The following CLHC1 variants were observed in gnomAD, a reference collection of about 807,000 sequenced individuals.
CLHC1 encodes the protein clathrin heavy chain linker domain containing 1.
Under a neutral mutation model 69.5 loss-of-function variants are expected in CLHC1, and 72 were observed. The observed-to-expected ratio is 1.04, with a 90% confidence interval of 0.86 to 1.26. The LOEUF (loss-of-function observed/expected upper bound fraction) is 1.26, where lower values mean the gene tolerates loss of function less well. Among genes scored for constraint, CLHC1 ranks in the 50% most tolerant of loss-of-function variants. CLHC1 has a pLI of 0.00. For synonymous variants in CLHC1, 223 were observed against 224.3 expected (o/e 0.99, Z 0.05); for missense variants, 790 against 679.3 (o/e 1.16, Z -1.81).
In CLHC1 at chr2:55,175,791, T is replaced by A; in HGVS notation, c.1760A>T (p.Ter587LeuextTer7). 6.2e-7 allele frequency: 1 copy of A among 1,613,090 alleles called. No homozygotes were observed. Among genetic ancestry groups the A allele is most frequent in the Non-Finnish European group, 8.5e-7 (1 of 1,179,230 alleles). The change falls in exon 13 of 13, where the codon TAG (stop) becomes TTG (leucine). Residue 587 changes from the stop codon to leucine, a stop_lost. Transcript: ENST00000401408. The part of the protein sequence containing the change: ...AVNLMEHVFW[*>L] ...CCCTCAGCTGGTTAAGATATAGAAC[T>A]ACCAAAACACATGTTCCATTAGGTT...
At chr2:55,199,534 G>C (rs2103853016) in intron 9 of CLHC1, among the ~76,000 whole-genome samples, 1 of 152,114 alleles carries the variant, frequency 6.6e-6, no homozygotes, top group African/African-American at 2.4e-5. Flanking sequence ...TCAAGACATT[G>C]ACAGTACAAT....
At position 55,177,586 on chromosome 2, in the gene CLHC1, A is replaced by G. The variant is rs754641278; in HGVS notation, c.1564+16T>C. On this transcript the variant is annotated intron_variant, in intron 12 of 12. Transcript: ENST00000401408. ...AACCCACTACTATTTCTCCCACAAC[A>G]TTTTATTCTACTTACCTATCCCACC... The G allele has an allele frequency of 7.7e-6, 12 of 1,559,018 alleles. No individual in the cohort carries two copies. In the East Asian group the frequency reaches 2.0e-4, roughly 27 times the overall value.
chr2:55,181,452 C>T (rs1401737974), intron 10 of CLHC1, 118 bp downstream of exon 10: 2 of 789,598 alleles, frequency 2.5e-6, no homozygotes, highest in African/African-American at 3.5e-5. Flanking sequence ...TGATTAATTG[C>T]AATAGGGACC....
At position 55,177,658 on chromosome 2, in the gene CLHC1, G is replaced by T; in HGVS notation, c.1508C>A (p.Ala503Glu). Residue 503 changes from alanine (A) to glutamate (E), a missense_variant, in exon 12 of 13, where the codon GCA becomes GAA. Ala to Glu is a moderately radical substitution (Grantham distance 107). Transcript: ENST00000401408. The part of the protein sequence containing the change: ...FGLAILHLFS[A>E]DMKKVGIKLL... ...CTTAATGCCAACTTTTTTCATGTCT[G>T]CAGAGAACAGATGAAGTATAGCAAG... 1.2e-6 allele frequency: 2 copies of T among 1,611,780 alleles called. No individual in the cohort carries two copies. The highest frequency in any genetic ancestry group is 1.7e-6 in the Non-Finnish European group (2 of 1,178,602).
chr2:55,195,332 G>A (rs1227857836), intron 9 of CLHC1, among the ~76,000 whole-genome samples: 1 of 152,104 alleles, frequency 6.6e-6, no homozygotes, highest in African/African-American at 2.4e-5. Context: ...ATGTGCTCCA[G>A]GTTTATCCAT....
rs188689558 is a variant in CLHC1, at chr2:55,212,149, C to A, written c.499+524G>T. Among the ~76,000 whole-genome samples, 165 of 152,230 alleles carry A rather than the reference C, an allele frequency of 1.1e-3. 2 individuals are homozygous for A. The Middle Eastern group carries it at 0.017, about 16-fold the overall frequency. The stretch of plus-strand genomic sequence containing the variant: ...AAAATTATCTGGGCACAGTGGCACG[C>A]GCCTGTAATCCCAGCTACTTGGGAG... On this transcript the variant is annotated intron_variant, in intron 5 of 12. Transcript: ENST00000401408.
chr2:55,188,324 G>C (rs1344609207), intron 9 of CLHC1, among the ~76,000 whole-genome samples: 1 of 151,838 alleles, frequency 6.6e-6, no homozygotes, highest in East Asian at 1.9e-4. Context: ...TTAACAAAAG[G>C]GTATATGTGT....
Position 55,211,973 on chromosome 2 carries a change from G to A in CLHC1, c.499+700C>T, listed in dbSNP as rs1428815862. Among the ~76,000 whole-genome samples, 4 of 152,282 alleles carry A rather than the reference G, an allele frequency of 2.6e-5. No homozygotes were observed. The East Asian group carries it at 7.7e-4, about 29-fold the overall frequency. Reference sequence around the variant, plus strand: ...ATACCAGTCGTTCTCAAACTTTAGAGTGCATCAAAAAAACCTGAAGCGGCT... The same window carrying A: ...ATACCAGTCGTTCTCAAACTTTAGAATGCATCAAAAAAACCTGAAGCGGCT... On this transcript the variant is annotated intron_variant, in intron 5 of 12. Transcript: ENST00000401408.
At chr2:55,230,607 AT>A (rs1197774606) in intron 1 of CLHC1, among the ~76,000 whole-genome samples, 1 of 152,168 alleles carries the variant, frequency 6.6e-6, no homozygotes, top group Non-Finnish European at 1.5e-5. Context: ...GGGATACTCC[AT>A]GGTTAGAGGT....
chr2:55,197,619 C>T (rs542651370), intron 9 of CLHC1, among the ~76,000 whole-genome samples: 1 of 152,208 alleles, frequency 6.6e-6, no homozygotes, highest in South Asian at 2.1e-4. Flanking sequence ...GGATCTTATC[C>T]AAAACCGCAA....
At chr2:55,197,116 C>G (rs935792920) in intron 9 of CLHC1, among the ~76,000 whole-genome samples, 1 of 152,018 alleles carries the variant, frequency 6.6e-6, no homozygotes, top group Non-Finnish European at 1.5e-5. Context: ...CCTCTGCCTG[C>G]GGGAAGGAGA....
chr2:55,230,858 T>C (rs1675246095), intron 1 of CLHC1, among the ~76,000 whole-genome samples: 1 of 151,520 alleles, frequency 6.6e-6, no homozygotes, highest in African/African-American at 2.4e-5. Context: ...CTGACAGGAG[T>C]GGGTTCAGAC....
chr2:55,215,635 T>A (rs1673420862), intron 4 of CLHC1, among the ~76,000 whole-genome samples: 1 of 152,204 alleles, frequency 6.6e-6, no homozygotes, highest in South Asian at 2.1e-4. Context: ...TGATAGCCTT[T>A]TAGCATCCTA....
At chr2:55,182,750 T>A (rs182580745) in intron 9 of CLHC1, among the ~76,000 whole-genome samples, 134 of 152,294 alleles carry the variant, frequency 8.8e-4, no homozygotes, top group African/African-American at 2.9e-3. Context: ...GATTGCATGT[T>A]CCTTAAGGGT....
chr2:55,223,648 A>C (rs1018469226), intron 2 of CLHC1, among the ~76,000 whole-genome samples: 5 of 151,834 alleles, frequency 3.3e-5, no homozygotes, highest in Non-Finnish European at 7.4e-5. Flanking sequence ...GGGCGCGCGG[A>C]GGCTCGCGGG....
At chr2:55,205,228 T>C (rs1032340451) in intron 9 of CLHC1, among the ~76,000 whole-genome samples, 2 of 152,088 alleles carry the variant, frequency 1.3e-5, no homozygotes, top group Non-Finnish European at 2.9e-5. Flanking sequence ...GAGCTAAAAA[T>C]AGAACTACCA....
At chr2:55,199,905 T>C (rs1247492439) in intron 9 of CLHC1, among the ~76,000 whole-genome samples, 1 of 152,070 alleles carries the variant, frequency 6.6e-6, no homozygotes, top group African/African-American at 2.4e-5. Context: ...AAGTGAATGT[T>C]AGCAGACTAA....
rs191692656 is a variant in CLHC1, at chr2:55,221,629, G to T, written c.177+606C>A. Among the ~76,000 whole-genome samples the T allele has an allele frequency of 2.0e-4, 31 of 152,288 alleles. 1 individual carries two copies. The East Asian group carries it at 6.0e-3, about 29-fold the overall frequency. ...AACAAATCAGATGATACTTTTAGAT[G>T]AAAAGGTGAAAATTATTATCAGAGG... On this transcript the variant is annotated intron_variant, in intron 3 of 12. Transcript: ENST00000401408.
In CLHC1 at chr2:55,186,924, G is replaced by C. The variant is rs545557867; in HGVS notation, c.1007-5180C>G. 2.0e-4 allele frequency among the ~76,000 whole-genome samples: 30 copies of C among 152,112 alleles called. 1 individual carries two copies. The South Asian group carries it at 5.6e-3, about 28-fold the overall frequency. ...TGAGGTGGCACTACAAATTAGTGGA[G>C]AAAGTACAGACTTTACATAAATAGT... On this transcript the variant is annotated intron_variant, in intron 9 of 12. Transcript: ENST00000401408.
Sources: allele counts gnomAD v4.1 joint callset (sites outside exome capture counted in the v4.1 genomes callset), GRCh38; gene constraint gnomAD v4.1.1; transcripts MANE v1.5; gene names NCBI Gene and HGNC (gene_info 2026-07-23, HGNC 2026-07-21).